GALC: variants seen among roughly 807,000 people sequenced by gnomAD.
GALC encodes the protein galactosylceramidase, also known as galactocerebrosidase.
In GALC, 77 loss-of-function variants were observed where a neutral mutation model predicts 91.8. The ratio of observed to expected loss-of-function variants is 0.84; its 90% CI spans 0.70 to 1.01. The LOEUF is 1.01. Among genes scored for constraint, GALC ranks in the 50% least tolerant of loss-of-function variants. The probability of loss-of-function intolerance (pLI) is 0.00; values close to 1 mark genes in which losing one functional copy is unlikely to be tolerated. For missense variants in GALC, 882 were observed against 855.9 expected, an observed-to-expected ratio of 1.03 and a Z score of -0.38; for synonymous variants, 357 against 306.7, an observed-to-expected ratio of 1.16 and a Z score of -1.71.
At position 87,947,847 on chromosome 14, in the gene GALC, C is replaced by A. The variant is rs1195834672; in HGVS notation, c.1370G>T (p.Ser457Ile). 6.2e-7 allele frequency: 1 copy of A among 1,612,546 alleles called. No homozygotes were observed. Residue 457 changes from serine to isoleucine, a missense_variant, in exon 13 of 17, where the codon AGC becomes ATC. By Grantham distance (142) the Ser-to-Ile change is moderately radical. Transcript: ENST00000261304. ...LLDSDGSFTL[S>I]LHEDELFTLT... ...TGTGAACAGCTCATCTTCATGCAGG[C>A]TCAGTGTGAAACTGCCATCGCTGTC...
chr14:87,938,474 C>G (rs905246413), intron 16 of GALC, among the ~76,000 whole-genome samples: 2 of 151,834 alleles, frequency 1.3e-5, no homozygotes, highest in African/African-American at 4.8e-5. Context: ...AGACAAACAT[C>G]AATATGGAGA....
intron 12 of GALC, among the ~76,000 whole-genome samples, chr14:87,949,615 G>A (rs1217285614): frequency 6.6e-6 from 1 of 152,032 alleles, no homozygotes; most frequent in African/African-American, 2.4e-5. Context: ...GCGGGATACA[G>A]AGGGTGAGTG....
At chr14:87,967,397 CA>C (rs1446040605) in intron 8 of GALC, among the ~76,000 whole-genome samples, 2 of 151,986 alleles carry the variant, frequency 1.3e-5, no homozygotes, top group Non-Finnish European at 2.9e-5. Flanking sequence ...CCTTTAAGAC[CA>C]AATTAAGTTA....
chr14:87,980,599 C>G (rs951465604), intron 6 of GALC: 2 of 562,712 alleles, frequency 3.6e-6, no homozygotes, highest in Non-Finnish European at 4.5e-6. Context: ...AATTACACAT[C>G]ACCTCCTCTA....
At chr14:87,947,955 A>G (rs541579045) in intron 12 of GALC, 77 bp from the exon 13 acceptor site, 428 of 1,350,706 alleles carry the variant, frequency 3.2e-4, no homozygotes, top group Middle Eastern at 5.5e-4. Flanking sequence ...CTTTAAAAAA[A>G]TTAGCTTAAA....
intron 1 of GALC, 50 bp downstream of exon 1, chr14:87,992,920 C>G: frequency 6.8e-7 from 1 of 1,478,736 alleles, no homozygotes; most frequent in Non-Finnish European, 8.9e-7. Flanking sequence ...GCTGGCCCCA[C>G]GGGGCGGGCT....
intron 7 of GALC, among the ~76,000 whole-genome samples, chr14:87,975,381 C>A (rs1204503550): frequency 6.7e-6 from 1 of 149,310 alleles, no homozygotes; most frequent in African/African-American, 2.4e-5. Context: ...TCAAATAAAA[C>A]TATAAGATAA....
intron 11 of GALC, 114 bp downstream of exon 11, chr14:87,950,545 A>G (rs976096082): frequency 1.4e-6 from 1 of 703,676 alleles, no homozygotes; most frequent in African/African-American, 1.8e-5. Context: ...GTCAATTCAT[A>G]TGCAAACTGT....
chr14:87,946,185 T>C (rs764277026), intron 13 of GALC, among the ~76,000 whole-genome samples: 1 of 152,038 alleles, frequency 6.6e-6, no homozygotes, highest in Non-Finnish European at 1.5e-5. Context: ...ATTTCTAATA[T>C]CTGTCAAGCA....
Position 87,988,525 on chromosome 14 carries a change from T to TAA in GALC, c.196-4_196-3dup. 12 of 1,465,474 alleles carry TAA rather than the reference T, an allele frequency of 8.2e-6. No homozygotes were observed. Among genetic ancestry groups the TAA allele is most frequent in the Non-Finnish European group, 1.0e-5 (11 of 1,067,156 alleles). The allele number at this position is 1,465,474 out of a possible 1,614,324, so 90.8% of individuals were successfully genotyped here. The stretch of plus-strand genomic sequence containing the variant: ...ATTTACTAGAAGTCGGGAGGTTGCC[T>TAA]AAAAAAAAAAGTTTTCAAAAGTATG... On this transcript the variant is annotated splice_region_variant and splice_polypyrimidine_tract_variant and intron_variant, in intron 1 of 16. Coordinates refer to ENST00000261304, the MANE Select transcript of GALC (RefSeq NM_000153.4).
intron 1 of GALC, among the ~76,000 whole-genome samples, chr14:87,991,345 G>A (rs1209267251): frequency 6.6e-6 from 1 of 152,166 alleles, no homozygotes; most frequent in Non-Finnish European, 1.5e-5. Context: ...TGGGACTACA[G>A]GCGCGTGCTA....
intron 7 of GALC, among the ~76,000 whole-genome samples, chr14:87,974,451 G>C (rs72629378): frequency 6.6e-6 from 1 of 151,966 alleles, no homozygotes; most frequent in African/African-American, 2.4e-5. Flanking sequence ...CAGTATTTAC[G>C]TACCAAATAA....
At chr14:87,944,190 G>T (rs1428519587) in intron 14 of GALC, among the ~76,000 whole-genome samples, 1 of 151,812 alleles carries the variant, frequency 6.6e-6, no homozygotes, top group Admixed American at 6.6e-5. Context: ...ATGAAGATCT[G>T]GGGGAGTAAA....
rs572947747 is a variant in GALC at position 87,993,046 on chromosome 14, C to T, written c.119G>A (p.Gly40Asp). ...GGAGTCGTCGAGCACGTACGCGCCG[C>T]CGGGCGCCAGCAGCGCACACAGCAG... ...PLLLCALLAP[G>D]GAYVLDDSDG... The change falls in exon 1 of 17, where the codon GGC becomes GAC. Residue 40 changes from glycine (G) to aspartate (D), a missense_variant. Physicochemically the swap from Gly to Asp is moderately conservative, Grantham distance 94. Coordinates refer to ENST00000261304, the MANE Select transcript of GALC (RefSeq NM_000153.4). The T allele has an allele frequency of 3.2e-6, 5 of 1,557,578 alleles. No homozygotes were observed. Among genetic ancestry groups the T allele is most frequent in the Admixed American group, 1.9e-5 (1 of 53,128 alleles).
At chr14:87,987,061 A>T in intron 3 of GALC, 1 of 454,924 alleles carries the variant, frequency 2.2e-6, no homozygotes, top group Non-Finnish European at 4.4e-6. Flanking sequence ...ATATGTCTTG[A>T]TATAGGAAGA....
chr14:87,947,313 G>C (rs946569724), intron 13 of GALC, among the ~76,000 whole-genome samples: 1 of 152,028 alleles, frequency 6.6e-6, no homozygotes, highest in Middle Eastern at 3.4e-3. Flanking sequence ...TAATGAGTTG[G>C]ATCAGCCAAG....
chr14:87,949,360 C>G (rs550064813), intron 12 of GALC, among the ~76,000 whole-genome samples: 1 of 152,048 alleles, frequency 6.6e-6, no homozygotes, highest in South Asian at 2.1e-4. Flanking sequence ...ATGTTAACTT[C>G]TAAGAAAATA....
intron 7 of GALC, among the ~76,000 whole-genome samples, chr14:87,970,313 C>G (rs1302619962): frequency 6.6e-6 from 1 of 152,010 alleles, no homozygotes; most frequent in Non-Finnish European, 1.5e-5. Flanking sequence ...TACCAATAAT[C>G]AGTAGATGTT....
intron 9 of GALC, among the ~76,000 whole-genome samples, chr14:87,964,633 GT>G (rs1298041691): frequency 3.3e-5 from 5 of 152,164 alleles, no homozygotes; most frequent in Non-Finnish European, 4.4e-5. Context: ...TGATACTGTA[GT>G]AAAACTTTTG....
Sources: allele counts gnomAD v4.1 joint callset (sites outside exome capture counted in the v4.1 genomes callset), GRCh38; gene constraint gnomAD v4.1.1; transcripts MANE v1.5; gene names NCBI Gene and HGNC (gene_info 2026-07-23, HGNC 2026-07-21).